PCDHA1: variants seen among roughly 807,000 people sequenced by gnomAD.
The protein encoded by PCDHA1 is protocadherin alpha-1.
In PCDHA1, 42 loss-of-function variants were observed where a neutral mutation model predicts 61.3. The observed-to-expected ratio is 0.69, with a 90% CI of 0.54 to 0.89. The LOEUF (loss-of-function observed/expected upper bound fraction) is 0.89. Ranked by LOEUF, PCDHA1 falls within the 40% of genes least tolerant of loss-of-function variation. PCDHA1 has a pLI of 0.00. For synonymous variants in PCDHA1, 610 were observed against 553.8 expected (o/e 1.10, Z -1.43); for missense variants, 1,256 against 1,235.3 (o/e 1.02, Z -0.25).
chr5:140,787,467 G>A lies in PCDHA1; in HGVS notation c.1177G>A (p.Val393Ile). 6.2e-7 allele frequency: 1 copy of A among 1,614,170 alleles called. No homozygotes were observed. Among genetic ancestry groups the A allele is most frequent in the Non-Finnish European group, 8.5e-7 (1 of 1,180,024 alleles). Residue 393 changes from valine to isoleucine, a missense_variant, in exon 1 of 4, where the codon GTC becomes ATC. Physicochemically the swap from Val to Ile is conservative, Grantham distance 29. Transcript: ENST00000504120. ...GQVTCSLMPHVPFKLVSTFKN... is the reference protein window; with the variant it reads ...GQVTCSLMPHIPFKLVSTFKN... ...GGTGACTTGCTCCTTAATGCCCCAC[G>A]TCCCCTTCAAGCTGGTGTCCACCTT...
intron 1 of PCDHA1, among the ~76,000 whole-genome samples, chr5:140,944,227 G>A (rs1472509213): frequency 6.6e-6 from 1 of 152,046 alleles, no homozygotes; most frequent in Non-Finnish European, 1.5e-5. Flanking sequence ...TTACTCTGTC[G>A]CTCAGGCTGG....
chr5:140,944,209 A>T (rs1003348568), intron 1 of PCDHA1, among the ~76,000 whole-genome samples: 5 of 152,298 alleles, frequency 3.3e-5, no homozygotes, highest in Non-Finnish European at 5.9e-5. Flanking sequence ...TTGTTTTTAA[A>T]GAGGGTTTTA....
chr5:140,961,982 C>T (rs1367678374), intron 1 of PCDHA1, among the ~76,000 whole-genome samples: 2 of 151,650 alleles, frequency 1.3e-5, no homozygotes, highest in African/African-American at 4.9e-5. Context: ...CTCCTGGGTT[C>T]ACGCCATTGT....
At chr5:140,923,966 C>T (rs1422839186) in intron 1 of PCDHA1, among the ~76,000 whole-genome samples, 3 of 152,188 alleles carry the variant, frequency 2.0e-5, no homozygotes, top group Non-Finnish European at 4.4e-5. Flanking sequence ...AATCTATACC[C>T]ACACATACTA....
At chr5:140,841,904 GT>G (rs1777577070) in intron 1 of PCDHA1, 1 of 1,613,860 alleles carries the variant, frequency 6.2e-7, no homozygotes, top group East Asian at 2.2e-5. Flanking sequence ...GGTTGAGCTC[GT>G]ATTAAGAAAA....
intron 1 of PCDHA1, among the ~76,000 whole-genome samples, chr5:140,890,775 C>T (rs1583027889): frequency 1.3e-5 from 2 of 152,158 alleles, no homozygotes; most frequent in East Asian, 3.9e-4. Context: ...TTTAAAACCC[C>T]ATAAGATATT....
rs2150236532 is a variant in PCDHA1, at chr5:140,835,484, C to G, written c.2394+46800C>G. The G allele has an allele frequency of 8.7e-6, 14 of 1,613,926 alleles. 1 individual carries two copies. The highest frequency in any genetic ancestry group is 1.6e-4 in the Middle Eastern group (1 of 6,062). ...TTCCAGAGGACGCCCAACCAGGTAC[C>G]GTCATCACATTGATTAGCGTGTTTG... On this transcript the variant is annotated intron_variant, in intron 1 of 3. Coordinates refer to ENST00000504120, the MANE Select transcript of PCDHA1 (RefSeq NM_018900.4).
At chr5:140,966,973 G>T in intron 1 of PCDHA1, 1 of 1,603,054 alleles carries the variant, frequency 6.2e-7, no homozygotes. Flanking sequence ...GGCTTGAGCT[G>T]CGGCGCTTGG....
At chr5:140,797,217 G>T in intron 1 of PCDHA1, 1 of 1,614,198 alleles carries the variant, frequency 6.2e-7, no homozygotes, top group Non-Finnish European at 8.5e-7. Flanking sequence ...GGTCTTACTC[G>T]CAGCAGAGGC....
At chr5:140,975,933 AG>A (rs1216240117) in intron 1 of PCDHA1, among the ~76,000 whole-genome samples, 1 of 152,194 alleles carries the variant, frequency 6.6e-6, no homozygotes, top group Non-Finnish European at 1.5e-5. Flanking sequence ...TAACCTTTGA[AG>A]CAATAGGACA....
At chr5:140,907,564 C>A (rs782642591) in intron 1 of PCDHA1, among the ~76,000 whole-genome samples, 1 of 152,228 alleles carries the variant, frequency 6.6e-6, no homozygotes, top group African/African-American at 2.4e-5. Flanking sequence ...ATATAATCAA[C>A]TTGCCACCAG....
rs1554262420 is a variant in PCDHA1, at chr5:141,009,791, C to G, written c.2707C>G (p.Pro903Ala). ...TGCAATCATCTCCATCCGGCAGGAG[C>G]CTACTAACAGCCAAATTGACAAAAG... ...SPAIISIRQE[P>A]TNSQIDKSDF... The change falls in exon 4 of 4, where the codon CCT becomes GCT. Residue 903 changes from proline (P) to alanine (A), a missense_variant. Pro to Ala is a conservative substitution (Grantham distance 27). Transcript: ENST00000504120. 1 of 1,614,084 alleles carries G rather than the reference C, an allele frequency of 6.2e-7. No individual in the cohort carries two copies. Among genetic ancestry groups the G allele is most frequent in the Admixed American group, 1.7e-5 (1 of 60,016 alleles).
intron 1 of PCDHA1, among the ~76,000 whole-genome samples, chr5:140,890,597 G>A (rs527637387): frequency 2.6e-5 from 4 of 152,002 alleles, no homozygotes; most frequent in African/African-American, 4.8e-5. Flanking sequence ...GCCCTTTTCC[G>A]AATAGCTAGT....
At chr5:140,794,419 C>T (rs568346333) in intron 1 of PCDHA1, among the ~76,000 whole-genome samples, 36 of 152,272 alleles carry the variant, frequency 2.4e-4, no homozygotes, top group Admixed American at 8.5e-4. Context: ...TCCACTTACA[C>T]GAAATATCTA....
intron 1 of PCDHA1, among the ~76,000 whole-genome samples, chr5:140,925,786 T>C (rs2082719026): frequency 1.3e-5 from 2 of 152,144 alleles, no homozygotes; most frequent in African/African-American, 4.8e-5. Context: ...CTAATGAGTA[T>C]CTCAGTACTT....
intron 3 of PCDHA1, among the ~76,000 whole-genome samples, chr5:140,986,070 A>G (rs1554247713): frequency 6.6e-6 from 1 of 152,126 alleles, no homozygotes; most frequent in African/African-American, 2.4e-5. Flanking sequence ...TTTTAAAGAA[A>G]CTGTTCATTT....
rs1383347742 is a variant in PCDHA1, at chr5:140,943,271, AAAAAAAG to A, written c.2395-35674_2395-35668del. ...AGACTCTGTCTCAAAAAAAAAAAAA[AAAAAAAG>A]AAAGAAAGAATTAAATTTTGGGAAG... On this transcript the variant is annotated intron_variant, in intron 1 of 3. Transcript: ENST00000504120. Among the ~76,000 whole-genome samples, 73 of 150,734 alleles carry A rather than the reference AAAAAAAG, an allele frequency of 4.8e-4. 1 individual carries two copies. The highest frequency in any genetic ancestry group is 1.6e-3 in the African/African-American group (65 of 40,848).
intron 1 of PCDHA1, among the ~76,000 whole-genome samples, chr5:140,945,892 G>T (rs1351699782): frequency 1.3e-5 from 2 of 152,018 alleles, no homozygotes; most frequent in African/African-American, 4.8e-5. Context: ...AGAAAACACA[G>T]TGGGAAAGAT....
At chr5:140,984,588 T>C (rs1338170509) in intron 3 of PCDHA1, among the ~76,000 whole-genome samples, 1 of 152,170 alleles carries the variant, frequency 6.6e-6, no homozygotes, top group Non-Finnish European at 1.5e-5. Flanking sequence ...AATCATACTT[T>C]TCAATACATA....
Sources: gnomAD v4.1 joint callset for allele counts (sites outside exome capture counted in the v4.1 genomes callset) on GRCh38, gnomAD v4.1.1 for gene constraint, MANE v1.5 for transcripts, NCBI Gene and HGNC (gene_info 2026-07-23, HGNC 2026-07-21) for gene names.